The following SH3PXD2A variants were observed in gnomAD, a reference collection of about 807,000 sequenced individuals.
The protein encoded by SH3PXD2A is SH3 and PX domains 2A.
SH3PXD2A carries 32 observed loss-of-function variants against 115.2 expected under a neutral mutation model. The ratio of observed to expected loss-of-function variants is 0.28; its 90% CI spans 0.21 to 0.37. SH3PXD2A has a LOEUF of 0.37. Among genes scored for constraint, SH3PXD2A ranks in the 10% least tolerant of loss-of-function variants. The probability of loss-of-function intolerance (pLI) is 1.00; values close to 1 mark genes in which losing one functional copy is unlikely to be tolerated. For synonymous variants in SH3PXD2A, 610 were observed against 629.1 expected (o/e 0.97, Z 0.45); for missense variants, 1,328 against 1,498.7 (o/e 0.89, Z 1.88).
chr10:103,701,879 C>T (rs1365098476), intron 5 of SH3PXD2A, among the ~76,000 whole-genome samples: 1 of 151,590 alleles, frequency 6.6e-6, no homozygotes, highest in Non-Finnish European at 1.5e-5. Context: ...ATCCATCTAT[C>T]ATCCATCCAT....
At chr10:103,651,831 T>C (rs2037128824) in intron 8 of SH3PXD2A, among the ~76,000 whole-genome samples, 1 of 152,220 alleles carries the variant, frequency 6.6e-6, no homozygotes, top group Non-Finnish European at 1.5e-5. Context: ...ATAACCCTCC[T>C]GGCAGGAGTG....
At chr10:103,740,313 G>A (rs1244706576) in intron 3 of SH3PXD2A, among the ~76,000 whole-genome samples, 1 of 152,186 alleles carries the variant, frequency 6.6e-6, no homozygotes, top group Non-Finnish European at 1.5e-5. Context: ...TAGAGAGTGT[G>A]GGGGAGCCAT....
intron 6 of SH3PXD2A, among the ~76,000 whole-genome samples, chr10:103,683,232 G>C (rs901331545): frequency 7.2e-5 from 11 of 152,046 alleles, no homozygotes; most frequent in African/African-American, 2.7e-4. Context: ...AAAAATAAAG[G>C]CTAGAAATGG....
At chr10:103,810,978 ACACACG>A (rs2039264431) in intron 1 of SH3PXD2A, among the ~76,000 whole-genome samples, 6 of 142,540 alleles carry the variant, frequency 4.2e-5, no homozygotes, top group Admixed American at 2.1e-4. Context: ...ACACACACAC[ACACACG>A]GCAGTGGTGG....
rs573607493 is a variant in SH3PXD2A, at chr10:103,759,041, C to T, written c.229+8053G>A. Among the ~76,000 whole-genome samples, 19 of 152,288 alleles carry T rather than the reference C, an allele frequency of 1.2e-4. No individual in the cohort carries two copies. The South Asian group carries it at 3.9e-3, about 32-fold the overall frequency. On this transcript the variant is annotated intron_variant, in intron 3 of 14. Coordinates refer to ENST00000369774, the MANE Select transcript of SH3PXD2A (RefSeq NM_001394015.1). ...GGTGCCTGGTGGAGACACACACAGA[C>T]ACCTATAGCCCAGGGAGCGGGCCAC...
At chr10:103,805,477 T>C (rs1218311221) in intron 1 of SH3PXD2A, among the ~76,000 whole-genome samples, 2 of 152,242 alleles carry the variant, frequency 1.3e-5, no homozygotes, top group South Asian at 2.1e-4. Context: ...CTCACATCCA[T>C]TGGTGGCAGA....
Position 103,635,894 on chromosome 10 carries a change from G to C in SH3PXD2A, c.605-8692C>G, listed in dbSNP as rs183589583. On this transcript the variant is annotated intron_variant, in intron 8 of 14. Transcript: ENST00000369774. The stretch of plus-strand genomic sequence containing the variant: ...TGCAATGACCCAGGGGCTGAGGAGA[G>C]GAGGCAGCAACATGGGGGGTTCTGG... Among the ~76,000 whole-genome samples the C allele has an allele frequency of 1.1e-3, 169 of 152,320 alleles. 1 individual carries two copies. The highest frequency in any genetic ancestry group is 3.4e-3 in the African/African-American group (142 of 41,570).
intron 2 of SH3PXD2A, among the ~76,000 whole-genome samples, chr10:103,782,824 C>A (rs2038943672): frequency 9.1e-6 from 1 of 110,310 alleles, no homozygotes. Context: ...GACTCCATCT[C>A]TCCAAAAAAA....
At position 103,596,663 on chromosome 10, in the gene SH3PXD2A, A is replaced by ACACTCTCTCTCTCTCTCTCT; in HGVS notation, c.*5152_*5153insAGAGAGAGAGAGAGAGAGTG. 67 of 124,502 alleles carry ACACTCTCTCTCTCTCTCTCT rather than the reference A, an allele frequency of 5.4e-4. No homozygotes were observed. The highest frequency in any genetic ancestry group is 1.8e-3 in the South Asian group (6 of 3,418). The allele number at this position is 124,502 out of a possible 1,614,324, so 7.7% of individuals were successfully genotyped here. A position where few individuals can be genotyped will look rare whatever the true frequency, so the allele number is the denominator to read the frequency against. On this transcript the variant is annotated 3_prime_UTR_variant, in exon 15 of 15. Coordinates refer to ENST00000369774, the MANE Select transcript of SH3PXD2A (RefSeq NM_001394015.1). ...CACACACACACACACACACACACAC[A>ACACTCTCTCTCTCTCTCTCT]CTCTCTCTCTCTCTCTCTCTCTCAC... is the stretch of plus-strand genomic sequence containing the variant.
At chr10:103,787,759 T>G (rs1015037) in intron 2 of SH3PXD2A, among the ~76,000 whole-genome samples, 134,433 of 152,226 alleles carry the variant, frequency 0.88, 59,492 homozygotes, top group East Asian at 1. Flanking sequence ...CCAGCCTCAT[T>G]CTTCCTGTTT....
intron 1 of SH3PXD2A, among the ~76,000 whole-genome samples, chr10:103,846,572 A>G (rs559887718): frequency 6.6e-6 from 1 of 152,242 alleles, no homozygotes; most frequent in African/African-American, 2.4e-5. Context: ...GGATCAAGGG[A>G]CCTCCTCACA....
chr10:103,645,146 C>A (rs796139630), intron 8 of SH3PXD2A, among the ~76,000 whole-genome samples: 1 of 152,186 alleles, frequency 6.6e-6, no homozygotes, highest in Non-Finnish European at 1.5e-5. Flanking sequence ...GTTGGCCAGT[C>A]CCCCAGCTAG....
intron 5 of SH3PXD2A, among the ~76,000 whole-genome samples, chr10:103,718,263 C>T (rs907050115): frequency 2.6e-5 from 4 of 152,082 alleles, no homozygotes; most frequent in East Asian, 1.9e-4. Context: ...GCAATCCTCC[C>T]GCCTTGACCT....
chr10:103,847,579 C>T (rs866829168), intron 1 of SH3PXD2A, among the ~76,000 whole-genome samples: 5 of 152,244 alleles, frequency 3.3e-5, no homozygotes, highest in Middle Eastern at 3.4e-3. Context: ...CCCACTTTGG[C>T]CTTTTGAAGC....
intron 3 of SH3PXD2A, among the ~76,000 whole-genome samples, chr10:103,761,621 T>C (rs1178914476): frequency 6.6e-6 from 1 of 152,214 alleles, no homozygotes; most frequent in African/African-American, 2.4e-5. Context: ...ACAGGTCACC[T>C]GAGTCCCCGT....
At chr10:103,757,288 C>G (rs913227251) in intron 3 of SH3PXD2A, among the ~76,000 whole-genome samples, 1 of 152,132 alleles carries the variant, frequency 6.6e-6, no homozygotes, top group African/African-American at 2.4e-5. Context: ...AACTTAACTT[C>G]TTCAATTTTG....
At chr10:103,777,920 C>T (rs1760181630) in intron 2 of SH3PXD2A, among the ~76,000 whole-genome samples, 1 of 152,178 alleles carries the variant, frequency 6.6e-6, no homozygotes, top group African/African-American at 2.4e-5. Context: ...AAGATGCAAG[C>T]AAGTGCTGCC....
chr10:103,607,668 A>G (rs2036344013), intron 13 of SH3PXD2A, among the ~76,000 whole-genome samples: 2 of 152,218 alleles, frequency 1.3e-5, no homozygotes, highest in South Asian at 4.1e-4. Flanking sequence ...CAGCTCATTG[A>G]GAACGGGCCA....
At chr10:103,804,314 CTTTTTTTT>C (rs58737094) in intron 1 of SH3PXD2A, among the ~76,000 whole-genome samples, 1 of 59,690 alleles carries the variant, frequency 1.7e-5, no homozygotes, top group East Asian at 8.3e-4. Flanking sequence ...TTGACATCAT[CTTTTTTTT>C]TTTTTTTTTT....
Sources: allele counts gnomAD v4.1 joint callset (sites outside exome capture counted in the v4.1 genomes callset), GRCh38; gene constraint gnomAD v4.1.1; transcripts MANE v1.5; gene names NCBI Gene and HGNC (gene_info 2026-07-23, HGNC 2026-07-21).